PHF20: variants seen among roughly 807,000 people sequenced by gnomAD.
PHF20 encodes the protein PHD finger protein 20.
A neutral mutation model predicts 113.5 loss-of-function variants in PHF20; 23 were observed. The ratio of observed to expected loss-of-function variants is 0.20; its 90% CI spans 0.15 to 0.29. The LOEUF (loss-of-function observed/expected upper bound fraction) is 0.29, where lower values mean the gene tolerates loss of function less well. Ranked by LOEUF, PHF20 falls within the 10% of genes least tolerant of loss-of-function variation. The pLI is 1.00. For missense variants in PHF20, 943 were observed against 1,219.6 expected (o/e 0.77, Z 3.38); for synonymous variants, 434 against 457.3 (o/e 0.95, Z 0.65).
chr20:35,923,859 G>A (rs2055568124), intron 13 of PHF20, among the ~76,000 whole-genome samples: 1 of 152,122 alleles, frequency 6.6e-6, no homozygotes, highest in East Asian at 1.9e-4. Flanking sequence ...TCAAGTGATT[G>A]TTCCACCTCA....
At chr20:35,917,070 TAC>T (rs141918875) in intron 12 of PHF20, 32,690 of 319,766 alleles carry the variant, frequency 0.1, 1,921 homozygotes, top group South Asian at 0.16. Context: ...AGCCTTTGTT[TAC>T]AGAGTTTTAA....
At chr20:35,914,504 C>T (rs1388271231) in intron 12 of PHF20, among the ~76,000 whole-genome samples, 2 of 152,048 alleles carry the variant, frequency 1.3e-5, no homozygotes, top group African/African-American at 4.8e-5. Context: ...AAGAAATGGA[C>T]AAGTGGGATT....
chr20:35,816,748 G>A (rs2042081420), intron 2 of PHF20, among the ~76,000 whole-genome samples: 2 of 151,750 alleles, frequency 1.3e-5, no homozygotes, highest in African/African-American at 4.8e-5. Context: ...CACTGCGCCC[G>A]GCCGATTTAT....
intron 1 of PHF20, among the ~76,000 whole-genome samples, chr20:35,795,557 A>G (rs2041650764): frequency 6.6e-6 from 1 of 151,992 alleles, no homozygotes; most frequent in Non-Finnish European, 1.5e-5. Context: ...TTTGTGTTAG[A>G]TATTTTAATA....
intron 3 of PHF20, among the ~76,000 whole-genome samples, chr20:35,843,521 CA>C (rs766671833): frequency 0.17 from 8,972 of 53,190 alleles, 215 homozygotes; most frequent in Middle Eastern, 0.25. Context: ...TATTCCATCT[CA>C]AAAAAAAAAA....
intron 4 of PHF20, among the ~76,000 whole-genome samples, chr20:35,851,914 C>T (rs117228776): frequency 6.9e-4 from 103 of 149,884 alleles, no homozygotes; most frequent in Admixed American, 5.5e-3. Flanking sequence ...GAGACTCCGT[C>T]TCCAAAAAAA....
chr20:35,855,797 C>G (rs1342813379), intron 4 of PHF20, among the ~76,000 whole-genome samples: 3 of 152,076 alleles, frequency 2.0e-5, no homozygotes. Context: ...CCTCAGCCTC[C>G]TGAGTAGCTG....
intron 14 of PHF20, 106 bp downstream of exon 14, chr20:35,927,985 G>C: frequency 1.2e-6 from 1 of 803,050 alleles, no homozygotes; most frequent in South Asian, 1.4e-5. Context: ...CATTTCTTCA[G>C]CATCGGCTAG....
intron 10 of PHF20, 52 bp downstream of exon 10, chr20:35,899,700 C>CA: frequency 1.3e-6 from 2 of 1,572,430 alleles, no homozygotes; most frequent in South Asian, 2.3e-5. Flanking sequence ...TGCTTGGCCA[C>CA]AGTGCTTGTG....
intron 9 of PHF20, among the ~76,000 whole-genome samples, chr20:35,896,662 G>A (rs6119673): frequency 0.011 from 1,685 of 151,478 alleles, 21 homozygotes; most frequent in African/African-American, 0.038. Flanking sequence ...AAAACTGGAC[G>A]TGGTGGTGGG....
intron 9 of PHF20, among the ~76,000 whole-genome samples, chr20:35,896,963 A>G (rs997356535): frequency 6.6e-6 from 1 of 151,982 alleles, no homozygotes; most frequent in East Asian, 1.9e-4. Context: ...TTCCACCTCC[A>G]TTTAGTTAGC....
At chr20:35,860,904 A>T (rs530757327) in intron 5 of PHF20, among the ~76,000 whole-genome samples, 76 of 152,296 alleles carry the variant, frequency 5.0e-4, no homozygotes, top group African/African-American at 1.8e-3. Context: ...CAGTAAATTG[A>T]TGGATAGCAC....
chr20:35,851,409 T>G (rs1467028788), intron 4 of PHF20, among the ~76,000 whole-genome samples: 1 of 152,144 alleles, frequency 6.6e-6, no homozygotes, highest in Non-Finnish European at 1.5e-5. Flanking sequence ...GCAGCTCTTA[T>G]TTTTTGTTTT....
intron 2 of PHF20, among the ~76,000 whole-genome samples, chr20:35,828,226 T>G (rs1404337102): frequency 6.6e-6 from 1 of 151,976 alleles, no homozygotes; most frequent in Non-Finnish European, 1.5e-5. Context: ...GTTTCTCCAT[T>G]TTAGTCAGGC....
At chr20:35,938,607 T>C in intron 15 of PHF20, 90 bp from the exon 16 acceptor site, 1 of 1,272,892 alleles carries the variant, frequency 7.9e-7, no homozygotes, top group Non-Finnish European at 1.1e-6. Flanking sequence ...GTGGAGCTGC[T>C]GTCCCTACTG....
At chr20:35,857,576 T>TTG (rs1568660937) in intron 4 of PHF20, among the ~76,000 whole-genome samples, 8 of 128,380 alleles carry the variant, frequency 6.2e-5, no homozygotes, top group Non-Finnish European at 9.5e-5. Context: ...TTTTTTTTTT[T>TTG]TTTTTTTTTT....
chr20:35,921,081 AG>A (rs1271079233), intron 13 of PHF20, among the ~76,000 whole-genome samples: 2 of 152,192 alleles, frequency 1.3e-5, no homozygotes, highest in African/African-American at 4.8e-5. Context: ...GGAGCACTTC[AG>A]TGGCTCATTT....
At chr20:35,826,724 G>T (rs905457711) in intron 2 of PHF20, among the ~76,000 whole-genome samples, 3 of 152,142 alleles carry the variant, frequency 2.0e-5, no homozygotes, top group Non-Finnish European at 4.4e-5. Context: ...CAGAAAATTG[G>T]CAGTGTTCAT....
chr20:35,875,231 C>G (rs1373028423), intron 9 of PHF20, among the ~76,000 whole-genome samples: 4 of 152,046 alleles, frequency 2.6e-5, no homozygotes, highest in African/African-American at 9.7e-5. Context: ...AACCCCGTCT[C>G]TACTAAAAAT....
Sources: gnomAD v4.1 joint callset for allele counts (sites outside exome capture counted in the v4.1 genomes callset) on GRCh38, gnomAD v4.1.1 for gene constraint, MANE v1.5 for transcripts, NCBI Gene and HGNC (gene_info 2026-07-23, HGNC 2026-07-21) for gene names.